Variants in SPOCK1 observed in about 807,000 individuals in gnomAD.
SPOCK1 encodes the protein SPARC (osteonectin), cwcv and kazal like domains proteoglycan 1, also known as testican-1.
Under a neutral mutation model 55.3 loss-of-function variants are expected in SPOCK1, and 23 were observed. The ratio of observed to expected loss-of-function variants is 0.42; its 90% CI spans 0.30 to 0.59. The LOEUF is 0.59. SPOCK1 is among the 20% of genes least tolerant of loss of function. The probability of loss-of-function intolerance (pLI) is 0.22; values close to 1 mark genes in which losing one functional copy is unlikely to be tolerated. For missense variants in SPOCK1, 499 were observed against 552.5 expected (o/e 0.90, Z 0.97); for synonymous variants, 226 against 221.0 (o/e 1.02, Z -0.20).
At chr5:136,984,890 C>T (rs538034755) in intron 9 of SPOCK1, among the ~76,000 whole-genome samples, 2 of 152,272 alleles carry the variant, frequency 1.3e-5, no homozygotes, top group African/African-American at 4.8e-5. Flanking sequence ...GAGGAGTTAG[C>T]AGTGGGGAAG....
chr5:137,468,115 A>AT (rs1753659757), intron 2 of SPOCK1, among the ~76,000 whole-genome samples: 1 of 152,188 alleles, frequency 6.6e-6, no homozygotes, highest in Admixed American at 6.5e-5. Flanking sequence ...ACTCCAATGG[A>AT]TTGCTGCTAA....
intron 2 of SPOCK1, among the ~76,000 whole-genome samples, chr5:137,472,807 G>A (rs1486670414): frequency 6.6e-6 from 1 of 152,114 alleles, no homozygotes; most frequent in Non-Finnish European, 1.5e-5. Flanking sequence ...GAACCCAATA[G>A]AAAAATGGGC....
Position 137,037,167 on chromosome 5 carries a change from T to G in SPOCK1, c.589+30548A>C, listed in dbSNP as rs57145367. ...ACTTAGGAAGAAAGACAGGAGCCCATGCCTCCCCAAGAACCAGAAGGAGAT... is the reference window on the plus strand; with the variant it reads ...ACTTAGGAAGAAAGACAGGAGCCCAGGCCTCCCCAAGAACCAGAAGGAGAT... On this transcript the variant is annotated intron_variant, in intron 6 of 10. Coordinates refer to ENST00000394945, the MANE Select transcript of SPOCK1 (RefSeq NM_004598.4). 7.0e-3 allele frequency among the ~76,000 whole-genome samples: 1,067 copies of G among 152,100 alleles called. 11 individuals carry two copies. Among genetic ancestry groups the G allele is most frequent in the African/African-American group, 0.023 (970 of 41,490 alleles).
intron 2 of SPOCK1, among the ~76,000 whole-genome samples, chr5:137,304,316 G>A (rs775869244): frequency 1.5e-4 from 23 of 152,128 alleles, no homozygotes; most frequent in Non-Finnish European, 2.5e-4. Flanking sequence ...GCACCTGACC[G>A]AGGCCCTGGA....
intron 5 of SPOCK1, among the ~76,000 whole-genome samples, chr5:137,106,113 C>T (rs1753363363): frequency 7.1e-6 from 1 of 140,112 alleles, no homozygotes; most frequent in Non-Finnish European, 1.5e-5. Context: ...GGCAATTAGA[C>T]ACCCCCACCC....
At chr5:136,993,418 C>T (rs1413532131) in intron 6 of SPOCK1, among the ~76,000 whole-genome samples, 4 of 152,154 alleles carry the variant, frequency 2.6e-5, no homozygotes, top group East Asian at 3.9e-4. Flanking sequence ...CCTCCCTCTT[C>T]CCTCAGGGCA....
chr5:137,346,919 GAA>G (rs34754820), intron 2 of SPOCK1, among the ~76,000 whole-genome samples: 1 of 152,168 alleles, frequency 6.6e-6, no homozygotes, highest in African/African-American at 2.4e-5. Flanking sequence ...GTGAGAGTCA[GAA>G]AAAGTTACTC....
At chr5:137,184,399 C>T (rs887642509) in intron 3 of SPOCK1, among the ~76,000 whole-genome samples, 2 of 152,136 alleles carry the variant, frequency 1.3e-5, no homozygotes, top group African/African-American at 2.4e-5. Context: ...TTACTCCTGA[C>T]CCAGATTGTT....
chr5:137,254,181 A>G (rs1756592053), intron 3 of SPOCK1, among the ~76,000 whole-genome samples: 1 of 152,152 alleles, frequency 6.6e-6, no homozygotes, highest in Admixed American at 6.5e-5. Flanking sequence ...CAAAAATTAT[A>G]TTTTTCCCAA....
chr5:137,097,272 C>A (rs1399672438), intron 5 of SPOCK1, among the ~76,000 whole-genome samples: 4 of 152,114 alleles, frequency 2.6e-5, no homozygotes, highest in Non-Finnish European at 5.9e-5. Flanking sequence ...ACTTGCCCAG[C>A]AAAAGCAGTT....
At chr5:137,017,811 A>T (rs573761721) in intron 6 of SPOCK1, among the ~76,000 whole-genome samples, 25 of 152,328 alleles carry the variant, frequency 1.6e-4, no homozygotes, top group South Asian at 4.2e-4. Flanking sequence ...GAAAAATTTT[A>T]AAAAATTCTA....
At chr5:136,997,274 G>C (rs1046204121) in intron 6 of SPOCK1, among the ~76,000 whole-genome samples, 2 of 152,044 alleles carry the variant, frequency 1.3e-5, no homozygotes, top group East Asian at 1.9e-4. Context: ...GAATTGTCCT[G>C]GTTCACAGTG....
intron 2 of SPOCK1, among the ~76,000 whole-genome samples, chr5:137,422,179 A>T (rs909660157): frequency 1.2e-4 from 18 of 151,684 alleles, no homozygotes; most frequent in Non-Finnish European, 1.5e-4. Flanking sequence ...TGTTAGTCTG[A>T]TGGGGTAACC....
At chr5:137,451,782 T>C (rs970193822) in intron 2 of SPOCK1, among the ~76,000 whole-genome samples, 1 of 152,244 alleles carries the variant, frequency 6.6e-6, no homozygotes, top group Non-Finnish European at 1.5e-5. Flanking sequence ...GCCAGCAGAA[T>C]CCATTGATTT....
chr5:137,285,067 G>T (rs1047012121), intron 2 of SPOCK1, among the ~76,000 whole-genome samples: 1 of 152,218 alleles, frequency 6.6e-6, no homozygotes, highest in African/African-American at 2.4e-5. Flanking sequence ...AATTGCCCCA[G>T]ACTAATGTGC....
chr5:137,035,868 G>A (rs1751875848), intron 6 of SPOCK1, among the ~76,000 whole-genome samples: 2 of 152,188 alleles, frequency 1.3e-5, no homozygotes, highest in Non-Finnish European at 2.9e-5. Context: ...TAGGAGCAGG[G>A]TTGCATTGTC....
intron 3 of SPOCK1, among the ~76,000 whole-genome samples, chr5:137,178,800 T>C (rs569064601): frequency 6.6e-6 from 1 of 152,262 alleles, no homozygotes; most frequent in Non-Finnish European, 1.5e-5. Flanking sequence ...TTTGTTTATA[T>C]GGCCCAGTAG....
chr5:137,056,865 T>TC (rs1490459621), intron 6 of SPOCK1, among the ~76,000 whole-genome samples: 1 of 151,790 alleles, frequency 6.6e-6, no homozygotes, highest in East Asian at 1.9e-4. Flanking sequence ...CTTGAGACCC[T>TC]CCCCCCACCA....
intron 3 of SPOCK1, among the ~76,000 whole-genome samples, chr5:137,172,040 CTT>C (rs997651557): frequency 5.3e-5 from 8 of 152,174 alleles, no homozygotes; most frequent in African/African-American, 1.9e-4. Context: ...TCATACTTCA[CTT>C]GAGTGAAATA....
Sources: allele counts gnomAD v4.1 joint callset (sites outside exome capture counted in the v4.1 genomes callset), GRCh38; gene constraint gnomAD v4.1.1; transcripts MANE v1.5; gene names NCBI Gene and HGNC (gene_info 2026-07-23, HGNC 2026-07-21).